Variants in KLF8 observed in about 807,000 individuals in gnomAD.
KLF8 encodes KLF transcription factor 8.
In KLF8, 10 loss-of-function variants were observed where a neutral mutation model predicts 18.2. The observed-to-expected ratio is 0.55, with a 90% confidence interval of 0.34 to 0.93. The LOEUF (loss-of-function observed/expected upper bound fraction) is 0.93, where lower values mean the gene tolerates loss of function less well. KLF8 is among the 40% of genes least tolerant of loss of function. The probability of loss-of-function intolerance (pLI) is 0.02; values close to 1 mark genes in which losing one functional copy is unlikely to be tolerated. For synonymous variants in KLF8, 109 were observed against 97.3 expected, an observed-to-expected ratio of 1.12 and a Z score of -0.71; for missense variants, 264 against 277.9, an observed-to-expected ratio of 0.95 and a Z score of 0.36.
At chrX:56,113,660 T>G in the KLF8 span, among the ~76,000 whole-genome samples, 1 of 103,643 alleles carries the variant, frequency 9.6e-6, no homozygotes, top group African/African-American at 3.6e-5. Context: ...GCACACACAC[T>G]GCTAGTCAAG....
chrX:56,194,921 G>A, the KLF8 span, among the ~76,000 whole-genome samples: 6 of 112,379 alleles, frequency 5.3e-5, no homozygotes, highest in African/African-American at 1.9e-4. Context: ...GCCTCCGCTG[G>A]TGATACCCAG....
At chrX:56,224,616 A>G in the KLF8 span, among the ~76,000 whole-genome samples, 1 of 111,838 alleles carries the variant, frequency 8.9e-6, no homozygotes, top group African/African-American at 3.2e-5. Flanking sequence ...GGTCTAATAA[A>G]ATGTAAATGA....
the KLF8 span, among the ~76,000 whole-genome samples, chrX:55,909,679 G>A: frequency 5.3e-5 from 6 of 112,455 alleles, no homozygotes; most frequent in East Asian, 2.8e-4. Flanking sequence ...TCAGTACCAG[G>A]TGTCCATATG....
chrX:56,266,431 A>G, intron 3 of KLF8: 1 of 713,474 alleles, frequency 1.4e-6, no homozygotes, highest in Non-Finnish European at 1.7e-6. Context: ...ATAATACTCT[A>G]TCTTAATTTT....
At chrX:55,935,556 C>T in the KLF8 span, among the ~76,000 whole-genome samples, 1 of 112,005 alleles carries the variant, frequency 8.9e-6, no homozygotes, top group Non-Finnish European at 1.9e-5. Flanking sequence ...ACAGAAACAA[C>T]CCAGATACCA....
the KLF8 span, among the ~76,000 whole-genome samples, chrX:56,084,895 G>A: frequency 8.9e-6 from 1 of 112,136 alleles, no homozygotes; most frequent in Non-Finnish European, 1.9e-5. Context: ...TGCTGCCTGT[G>A]TAACTTTCTA....
At chrX:56,035,090 C>T in the KLF8 span, among the ~76,000 whole-genome samples, 2 of 111,664 alleles carry the variant, frequency 1.8e-5, no homozygotes, top group Admixed American at 1.9e-4. Context: ...AATTTTATGT[C>T]CTTTAAGAAA....
chrX:56,164,729 C>CTTTTTTTTTTTTTTTTTATTTTTT, the KLF8 span, among the ~76,000 whole-genome samples: 1 of 51,920 alleles, frequency 1.9e-5, no homozygotes, highest in Non-Finnish European at 3.3e-5. Flanking sequence ...CTTGTTATCT[C>CTTTTTTTTTTTTTTTTTATTTTTT]TTTTTTTTTT....
chrX:56,125,763 G>A, the KLF8 span, among the ~76,000 whole-genome samples: 2 of 111,529 alleles, frequency 1.8e-5, no homozygotes, highest in African/African-American at 6.5e-5. Context: ...AATACATAAC[G>A]GGTTTAGGGT....
chrX:56,067,312 G>C, the KLF8 span, among the ~76,000 whole-genome samples: 3 of 107,903 alleles, frequency 2.8e-5, no homozygotes, highest in Middle Eastern at 4.8e-3. Flanking sequence ...GTAGCCAATA[G>C]GTCAGGCCTA....
the KLF8 span, among the ~76,000 whole-genome samples, chrX:56,126,578 A>T: frequency 1.8e-5 from 2 of 110,597 alleles, no homozygotes; most frequent in East Asian, 2.9e-4. Flanking sequence ...AAGAATCTGC[A>T]TGATTTGGGT....
At chrX:55,957,737 A>G in the KLF8 span, among the ~76,000 whole-genome samples, 1 of 111,629 alleles carries the variant, frequency 9.0e-6, no homozygotes, top group Non-Finnish European at 1.9e-5. Context: ...TTTAGTTTAT[A>G]ATTATGTAAC....
chrX:56,243,652 C>A (rs2066582231), intron 1 of KLF8, among the ~76,000 whole-genome samples: 1 of 105,221 alleles, frequency 9.5e-6, no homozygotes, highest in Admixed American at 1.1e-4. Flanking sequence ...TCTCTTGCCT[C>A]AGCCTCCCAA....
At chrX:56,034,748 CTTTTT>C in the KLF8 span, among the ~76,000 whole-genome samples, 5 of 53,819 alleles carry the variant, frequency 9.3e-5, no homozygotes, top group African/African-American at 2.2e-4. Flanking sequence ...GAACTTATTT[CTTTTT>C]TTTTTTTTTT....
At chrX:56,184,305 G>A in the KLF8 span, among the ~76,000 whole-genome samples, 2 of 112,126 alleles carry the variant, frequency 1.8e-5, no homozygotes, top group Admixed American at 9.5e-5. Context: ...TGCAAGGCGG[G>A]AGTGAGCCTG....
At chrX:56,276,467 T>C (rs1393556707) in intron 5 of KLF8, among the ~76,000 whole-genome samples, 2 of 111,480 alleles carry the variant, frequency 1.8e-5, no homozygotes, top group Admixed American at 9.5e-5. Flanking sequence ...CTTTTGTTCA[T>C]CTGGGAAAGT....
At chrX:56,185,628 G>T in the KLF8 span, among the ~76,000 whole-genome samples, 1 of 111,836 alleles carries the variant, frequency 8.9e-6, no homozygotes, top group South Asian at 3.7e-4. Context: ...CAGAGAGAAA[G>T]GTCGAGTTAC....
the KLF8 span, among the ~76,000 whole-genome samples, chrX:56,078,593 G>C: frequency 2.7e-5 from 3 of 111,495 alleles, no homozygotes; most frequent in Non-Finnish European, 3.8e-5. Flanking sequence ...GGATATTGGT[G>C]TAAAATTCTC....
At chrX:56,085,179 TC>T in the KLF8 span, among the ~76,000 whole-genome samples, 1 of 111,666 alleles carries the variant, frequency 9.0e-6, no homozygotes, top group Non-Finnish European at 1.9e-5. Context: ...AGACTTTTTC[TC>T]CTGTAGACAA....
Sources: gnomAD v4.1 joint callset for allele counts (sites outside exome capture counted in the v4.1 genomes callset) on GRCh38, gnomAD v4.1.1 for gene constraint, MANE v1.5 for transcripts, NCBI Gene and HGNC (gene_info 2026-07-23, HGNC 2026-07-21) for gene names.